The following AK9 variants were observed in gnomAD, a reference collection of about 807,000 sequenced individuals.
AK9 encodes adenylate kinase domain containing 1.
AK9 carries 191 observed loss-of-function variants against 239.6 expected under a neutral mutation model. The ratio of observed to expected loss-of-function variants is 0.80; its 90% CI spans 0.71 to 0.90. AK9 has a LOEUF of 0.90. AK9 is among the 40% of genes least tolerant of loss of function. The probability of loss-of-function intolerance (pLI) is 0.00; values close to 1 mark genes in which losing one functional copy is unlikely to be tolerated. For missense variants in AK9, 1,995 were observed against 2,214.7 expected (o/e 0.90, Z 1.99); for synonymous variants, 689 against 721.0 (o/e 0.96, Z 0.71).
At chr6:109,558,476 A>G (rs1055951262) in intron 24 of AK9, among the ~76,000 whole-genome samples, 2 of 152,172 alleles carry the variant, frequency 1.3e-5, no homozygotes, top group Admixed American at 1.3e-4. Context: ...CTATTTATTA[A>G]AACTACTGTC....
intron 7 of AK9, 97 bp downstream of exon 7, chr6:109,659,131 T>C: frequency 2.2e-6 from 3 of 1,338,778 alleles, no homozygotes; most frequent in Admixed American, 2.9e-5. Context: ...AGAAAATGTA[T>C]AGCATCTACT....
chr6:109,650,989 C>G (rs1207443108), intron 8 of AK9, among the ~76,000 whole-genome samples: 1 of 152,006 alleles, frequency 6.6e-6, no homozygotes, highest in South Asian at 2.1e-4. Flanking sequence ...GGACAAAAAA[C>G]CAAACACTGC....
intron 12 of AK9, among the ~76,000 whole-genome samples, chr6:109,623,083 G>T (rs904032540): frequency 6.6e-6 from 1 of 151,910 alleles, no homozygotes; most frequent in African/African-American, 2.4e-5. Context: ...ATGGCTATTT[G>T]TATCTATTAT....
chr6:109,584,485 G>C (rs1226011420), intron 19 of AK9, among the ~76,000 whole-genome samples: 1 of 152,114 alleles, frequency 6.6e-6, no homozygotes, highest in Non-Finnish European at 1.5e-5. Flanking sequence ...GAATTTTTTA[G>C]TAAGGAAGAA....
At chr6:109,669,394 T>C (rs11153211) in intron 5 of AK9, among the ~76,000 whole-genome samples, 88,014 of 151,378 alleles carry the variant, frequency 0.58, 27,278 homozygotes, top group South Asian at 0.84. Context: ...TTCTCCTGCC[T>C]GACTGCCCTG....
chr6:109,590,683 T>G (rs776926129), intron 17 of AK9, among the ~76,000 whole-genome samples: 11 of 152,176 alleles, frequency 7.2e-5, no homozygotes, highest in Non-Finnish European at 1.6e-4. Flanking sequence ...CTCTTAGCAC[T>G]GTTTTTGCTG....
intron 29 of AK9, among the ~76,000 whole-genome samples, chr6:109,522,032 T>C (rs1779924726): frequency 6.6e-6 from 1 of 151,978 alleles, no homozygotes; most frequent in Non-Finnish European, 1.5e-5. Flanking sequence ...ATTTCTCTCA[T>C]TATAAACAGT....
chr6:109,542,237 C>A, intron 26 of AK9, 66 bp from the exon 27 acceptor site: 1 of 1,432,756 alleles, frequency 7.0e-7, no homozygotes, highest in South Asian at 1.4e-5. Flanking sequence ...CATGTTCTCA[C>A]TCATATGTGA....
intron 28 of AK9, among the ~76,000 whole-genome samples, chr6:109,532,522 G>A (rs1350536991): frequency 6.6e-6 from 1 of 152,146 alleles, no homozygotes; most frequent in East Asian, 1.9e-4. Flanking sequence ...TGTTTTGCCT[G>A]GCTTCTGTCA....
At chr6:109,657,761 C>T (rs1009009417) in intron 7 of AK9, among the ~76,000 whole-genome samples, 2 of 151,986 alleles carry the variant, frequency 1.3e-5, no homozygotes, top group Non-Finnish European at 2.9e-5. Flanking sequence ...CAAGTGTTCT[C>T]ATTATTCAAT....
intron 20 of AK9, among the ~76,000 whole-genome samples, chr6:109,577,939 CTCTTT>C (rs1182560384): frequency 7.2e-6 from 1 of 139,100 alleles, no homozygotes; most frequent in Non-Finnish European, 1.6e-5. Flanking sequence ...TCCTTTCTTT[CTCTTT>C]TTTTTTTTCT....
intron 13 of AK9, among the ~76,000 whole-genome samples, chr6:109,618,816 G>A (rs932182751): frequency 1.4e-5 from 2 of 147,604 alleles, no homozygotes; most frequent in African/African-American, 5.0e-5. Context: ...TGTAAATCCT[G>A]ATCAAACAGT....
chr6:109,606,603 C>T (rs1792917573), intron 17 of AK9, among the ~76,000 whole-genome samples: 2 of 152,174 alleles, frequency 1.3e-5, no homozygotes, highest in Admixed American at 1.3e-4. Context: ...AGGCCCATCT[C>T]CCTAGAGGTT....
At chr6:109,600,024 CAG>C (rs1791684507) in intron 17 of AK9, among the ~76,000 whole-genome samples, 2 of 152,094 alleles carry the variant, frequency 1.3e-5, no homozygotes, top group South Asian at 4.1e-4. Context: ...CATCCACAAA[CAG>C]GGACAATTTG....
At chr6:109,500,068 C>T (rs1562318030) in intron 35 of AK9, among the ~76,000 whole-genome samples, 1 of 150,848 alleles carries the variant, frequency 6.6e-6, no homozygotes, top group Non-Finnish European at 1.5e-5. Context: ...CACACACACA[C>T]ACACAATTTA....
intron 17 of AK9, among the ~76,000 whole-genome samples, chr6:109,601,269 A>G (rs1791914380): frequency 6.6e-6 from 1 of 152,138 alleles, no homozygotes; most frequent in South Asian, 2.1e-4. Context: ...AGATTCTGGT[A>G]TGTTGTGTCT....
At chr6:109,672,810 T>C (rs1029148143) in intron 3 of AK9, among the ~76,000 whole-genome samples, 3 of 152,198 alleles carry the variant, frequency 2.0e-5, no homozygotes, top group African/African-American at 7.2e-5. Flanking sequence ...AATCAGGTGG[T>C]GTATATGACA....
intron 17 of AK9, among the ~76,000 whole-genome samples, chr6:109,601,055 G>GT (rs1215220270): frequency 2.6e-5 from 4 of 152,046 alleles, no homozygotes; most frequent in Admixed American, 1.3e-4. Flanking sequence ...TTTTTGAAGG[G>GT]TTTTTTGTGT....
intron 17 of AK9, among the ~76,000 whole-genome samples, chr6:109,600,578 T>C (rs1408227332): frequency 6.6e-5 from 10 of 152,240 alleles, no homozygotes; most frequent in Admixed American, 3.3e-4. Flanking sequence ...GGTATCAGGA[T>C]GATGCTGGCC....
Sources: gnomAD v4.1 joint callset for allele counts (sites outside exome capture counted in the v4.1 genomes callset) on GRCh38, gnomAD v4.1.1 for gene constraint, MANE v1.5 for transcripts, NCBI Gene and HGNC (gene_info 2026-07-23, HGNC 2026-07-21) for gene names.